Variants in AGBL2 observed in about 807,000 individuals in gnomAD.
AGBL2 encodes AGBL carboxypeptidase 2, also known as cytosolic carboxypeptidase 2.
AGBL2 carries 87 observed loss-of-function variants against 103.0 expected under a neutral mutation model. The observed-to-expected ratio is 0.84, with a 90% CI of 0.71 to 1.01. The LOEUF (loss-of-function observed/expected upper bound fraction) is 1.01, where lower values mean the gene tolerates loss of function less well. Among genes scored for constraint, AGBL2 ranks in the 50% least tolerant of loss-of-function variants. The pLI is 0.00. For synonymous variants in AGBL2, 335 were observed against 356.7 expected (o/e 0.94, Z 0.69); for missense variants, 904 against 1,023.5 (o/e 0.88, Z 1.59).
chr11:47,711,482 T>C (rs72911743), intron 3 of AGBL2, among the ~76,000 whole-genome samples: 1,759 of 152,264 alleles, frequency 0.012, 12 homozygotes, highest in Non-Finnish European at 0.018. Flanking sequence ...AGCTCATTCG[T>C]TTCTCCTGAA....
chr11:47,702,911 G>A (rs1275436387), intron 7 of AGBL2, among the ~76,000 whole-genome samples: 4 of 151,990 alleles, frequency 2.6e-5, no homozygotes. Context: ...TTATTCAGTA[G>A]TATAAAGCAG....
chr11:47,706,532 A>T (rs779547261), intron 4 of AGBL2, among the ~76,000 whole-genome samples: 1 of 151,984 alleles, frequency 6.6e-6, no homozygotes, highest in African/African-American at 2.4e-5. Flanking sequence ...AAAATAAATA[A>T]AAATAAAAAT....
intron 17 of AGBL2, chr11:47,666,690 G>C: frequency 1.7e-6 from 1 of 597,394 alleles, no homozygotes; most frequent in Non-Finnish European, 3.0e-6. Flanking sequence ...TGAGTAGAGG[G>C]ATGAATGGAT....
rs1447454584 is a variant in AGBL2 at position 47,659,593 on chromosome 11, A to T, written c.*580T>A. 2.0e-5 allele frequency: 3 copies of T among 152,174 alleles called. No homozygotes were observed. Among genetic ancestry groups the T allele is most frequent in the Non-Finnish European group, 4.4e-5 (3 of 68,026 alleles). 9.4% of individuals were successfully genotyped at this position (152,174 alleles called of 1,614,324 possible). A position where few individuals can be genotyped will look rare whatever the true frequency, so the allele number is the denominator to read the frequency against. The stretch of plus-strand genomic sequence containing the variant: ...AACCAATCAAAGGAAACAACTGGTT[A>T]GAGAGAAAGAATTTTAATCATCAGC... On this transcript the variant is annotated 3_prime_UTR_variant, in exon 19 of 19. Transcript: ENST00000525123.
At chr11:47,707,024 T>TAAAAAAAAAAA (rs61459888) in intron 4 of AGBL2, among the ~76,000 whole-genome samples, 1 of 111,646 alleles carries the variant, frequency 9.0e-6, no homozygotes, top group Non-Finnish European at 1.8e-5. Flanking sequence ...CTGTCTCTAC[T>TAAAAAAAAAAA]AAAAAAAAAA....
At position 47,685,941 on chromosome 11, in the gene AGBL2, A is replaced by T. The variant is rs773220967; in HGVS notation, c.1740T>A (p.Leu580=). Residue 580 remains leucine, a synonymous_variant, in exon 11 of 19, where the codon CTT becomes CTA. Coordinates refer to ENST00000525123, the MANE Select transcript of AGBL2 (RefSeq NM_024783.4). ...ACATTAAAGGAAAGACTCGTTCATG[A>T]AGCCAGTATTTGCGATTGTTGTTAT... ...GCNNNNRKYW[L]HERVFPLMLC... is the part of the protein sequence containing the mutation. The T allele has an allele frequency of 5.0e-6, 8 of 1,614,000 alleles. No individual in the cohort carries two copies. The Admixed American group carries it at 1.0e-4, about 20-fold the overall frequency.
chr11:47,663,695 T>A (rs183864990), intron 17 of AGBL2, among the ~76,000 whole-genome samples: 24 of 151,650 alleles, frequency 1.6e-4, no homozygotes, highest in Non-Finnish European at 4.4e-5. Context: ...TAGCTGGGAT[T>A]ACAGGCATGC....
intron 8 of AGBL2, among the ~76,000 whole-genome samples, chr11:47,697,713 T>A (rs1005706952): frequency 6.6e-6 from 1 of 150,478 alleles, no homozygotes; most frequent in African/African-American, 2.4e-5. Context: ...GCCCGGCTAT[T>A]TTTTTTGTAT....
At chr11:47,664,975 G>C (rs760045530) in intron 17 of AGBL2, among the ~76,000 whole-genome samples, 1 of 150,514 alleles carries the variant, frequency 6.6e-6, no homozygotes, top group Non-Finnish European at 1.5e-5. Flanking sequence ...TTGACCTCTC[G>C]GGCTCAAGCA....
intron 10 of AGBL2, 82 bp from the exon 11 acceptor site, chr11:47,686,131 A>C (rs548964849): frequency 7.1e-7 from 1 of 1,417,114 alleles, no homozygotes; most frequent in African/African-American, 1.4e-5. Context: ...CTCTTCCTTA[A>C]ATACAGCTGT....
intron 11 of AGBL2, among the ~76,000 whole-genome samples, chr11:47,685,628 G>A (rs2097420592): frequency 6.6e-6 from 1 of 151,456 alleles, no homozygotes; most frequent in Non-Finnish European, 1.5e-5. Context: ...CTCCGTGTTG[G>A]TCAGGCTGGT....
chr11:47,696,856 A>G (rs2097476208), intron 8 of AGBL2, among the ~76,000 whole-genome samples: 1 of 152,078 alleles, frequency 6.6e-6, no homozygotes, highest in African/African-American at 2.4e-5. Flanking sequence ...TGATGTTCCA[A>G]ACAACCAACT....
At chr11:47,669,724 A>G (rs371995131) in intron 14 of AGBL2, among the ~76,000 whole-genome samples, 10 of 151,700 alleles carry the variant, frequency 6.6e-5, no homozygotes, top group African/African-American at 9.7e-5. Flanking sequence ...GAGTCTCCCT[A>G]TGTCAACGTC....
At chr11:47,679,634 G>A (rs1446199826) in intron 13 of AGBL2, among the ~76,000 whole-genome samples, 1 of 151,684 alleles carries the variant, frequency 6.6e-6, no homozygotes, top group Admixed American at 6.6e-5. Context: ...ACTGACCACA[G>A]CATCATCATC....
chr11:47,688,765 A>G (rs904082384), intron 10 of AGBL2, among the ~76,000 whole-genome samples: 6 of 152,064 alleles, frequency 3.9e-5, no homozygotes. Flanking sequence ...CTGACTCTGA[A>G]ACATATGCTC....
chr11:47,697,134 G>C (rs2097477628), intron 8 of AGBL2, among the ~76,000 whole-genome samples: 1 of 151,916 alleles, frequency 6.6e-6, no homozygotes, highest in Non-Finnish European at 1.5e-5. Context: ...TCACCATGTT[G>C]GTCAAGCTGG....
chr11:47,707,418 G>A (rs1565093828), intron 4 of AGBL2, among the ~76,000 whole-genome samples: 1 of 152,154 alleles, frequency 6.6e-6, no homozygotes, highest in Non-Finnish European at 1.5e-5. Flanking sequence ...ATGGCAGAAG[G>A]CAAGGAGGAG....
chr11:47,701,555 G>A (rs576741526), intron 7 of AGBL2, among the ~76,000 whole-genome samples: 16 of 152,088 alleles, frequency 1.1e-4, no homozygotes, highest in Admixed American at 3.9e-4. Flanking sequence ...CTTGCTGGGG[G>A]TGGTGGCTCA....
chr11:47,690,744 G>A lies in AGBL2; in HGVS notation c.963C>T (p.Thr321=), dbSNP rs749709202. Residue 321 remains threonine (T), a synonymous_variant, in exon 10 of 19, where the codon ACC becomes ACT. Coordinates refer to ENST00000525123, the MANE Select transcript of AGBL2 (RefSeq NM_024783.4). ...NTRKDATYRF[T]IVNLLKPKSL... Reference sequence around the variant, plus strand: ...TCTTGGGTTTTAGCAAGTTGACAATGGTGAAGCGATAGGTAGCATCTTTTC... The same window carrying A: ...TCTTGGGTTTTAGCAAGTTGACAATAGTGAAGCGATAGGTAGCATCTTTTC... 2 of 1,614,132 alleles carry A rather than the reference G, an allele frequency of 1.2e-6. No individual in the cohort carries two copies. Among genetic ancestry groups the A allele is most frequent in the Non-Finnish European group, 1.7e-6 (2 of 1,180,030 alleles).
Sources: allele counts gnomAD v4.1 joint callset (sites outside exome capture counted in the v4.1 genomes callset), GRCh38; gene constraint gnomAD v4.1.1; transcripts MANE v1.5; gene names NCBI Gene and HGNC (gene_info 2026-07-23, HGNC 2026-07-21).